The following DPP9 variants were observed in gnomAD, a reference collection of about 807,000 sequenced individuals.
The protein encoded by DPP9 is dipeptidyl peptidase IV-related protein-2.
Under a neutral mutation model 110.7 loss-of-function variants are expected in DPP9, and 50 were observed. That is an observed-to-expected ratio of 0.45 (90% CI 0.36 to 0.57). The LOEUF is 0.57. DPP9 is among the 20% of genes least tolerant of loss of function. DPP9 has a pLI of 0.00. For synonymous variants in DPP9, 561 were observed against 514.4 expected, an observed-to-expected ratio of 1.09 and a Z score of -1.23; for missense variants, 1,022 against 1,217.9, an observed-to-expected ratio of 0.84 and a Z score of 2.39.
rs1006998596 is a variant in DPP9, at chr19:4,691,670, C to CTT, written c.1517-715_1517-714dup. ...CACATTAGGACTTTGTAAAACCAGACTTTTTTTTTTTTTTTTTTTTTTTGA... is the reference window on the plus strand; with the variant it reads ...CACATTAGGACTTTGTAAAACCAGACTTTTTTTTTTTTTTTTTTTTTTTTTGA... On this transcript the variant is annotated intron_variant, in intron 13 of 21. Coordinates refer to ENST00000262960, the MANE Select transcript of DPP9 (RefSeq NM_139159.5). Among the ~76,000 whole-genome samples, 869 of 95,078 alleles carry CTT rather than the reference C, an allele frequency of 9.1e-3. 39 individuals carry two copies. The highest frequency in any genetic ancestry group is 0.022 in the African/African-American group (515 of 22,984). 62.4% of individuals were successfully genotyped at this position (95,078 alleles called of 152,430 possible).
At chr19:4,691,953 C>T (rs575719302) in intron 13 of DPP9, among the ~76,000 whole-genome samples, 3 of 152,118 alleles carry the variant, frequency 2.0e-5, no homozygotes, top group South Asian at 2.1e-4. Context: ...GCTGGGATTA[C>T]AGGCACGAGC....
In DPP9 at chr19:4,684,766, C is replaced by T. The variant is rs1185027452; in HGVS notation, c.2075G>A (p.Arg692Gln). The change falls in exon 18 of 22, where the codon CGG (arginine) becomes CAG (glutamine). Residue 692 changes from arginine (R) to glutamine (Q), a missense_variant. Coordinates refer to ENST00000262960, the MANE Select transcript of DPP9 (RefSeq NM_139159.5). This position sits in a 1 kb window ranked among gnomAD's most constrained non-coding sequence, Gnocchi z 4.8. ...NNSFKGIKYL[R>Q]LNTLASLGYA... is the part of the protein sequence containing the mutation. ...GCCCAGGGAGGCCAGTGTGTTGAGC[C>T]GCAAGTACTTGATGCCTTTGAAGGA... 8 of 1,604,366 alleles carry T rather than the reference C, an allele frequency of 5.0e-6. No homozygotes were observed. The highest frequency in any genetic ancestry group is 3.4e-5 in the Admixed American group (2 of 58,196).
rs2091607121 is a variant in DPP9 at position 4,694,408 on chromosome 19, C to A, written c.1516+253G>T. 1 of 549,580 alleles carries A rather than the reference C, an allele frequency of 1.8e-6. No homozygotes were observed. Among genetic ancestry groups the A allele is most frequent in the Non-Finnish European group, 3.2e-6 (1 of 312,772 alleles). 34.0% of individuals were successfully genotyped at this position (549,580 alleles called of 1,614,324 possible). ...TGACCTGTGGGCCGTAGGTGGCCAA[C>A]CCCTGGTTGTGCTAAGGGCCTGGCA... On this transcript the variant is annotated intron_variant, in intron 13 of 21. Coordinates refer to ENST00000262960, the MANE Select transcript of DPP9 (RefSeq NM_139159.5). This position sits in a 1 kb window ranked among gnomAD's most constrained non-coding sequence, Gnocchi z 4.0.
rs1033759386 is a variant in DPP9, at chr19:4,710,401, C to T, written c.313+3680G>A. ...CGTTTGCAGTGGGGAGAGGCTGATC[C>T]GCGTGGGGCGGGAGCGGGGTCGGGA... On this transcript the variant is annotated intron_variant, in intron 4 of 21. Transcript: ENST00000262960. This position sits in a 1 kb window ranked among gnomAD's most constrained non-coding sequence, Gnocchi z 5.6. 3.3e-5 allele frequency among the ~76,000 whole-genome samples: 5 copies of T among 152,222 alleles called. No homozygotes were observed. The highest frequency in any genetic ancestry group is 1.2e-4 in the African/African-American group (5 of 41,460).
rs374691039 is a variant in DPP9 at position 4,702,103 on chromosome 19, G to A, written c.936C>T (p.Ser312=). Residue 312 remains serine, a synonymous_variant, in exon 9 of 22, where the codon TCC becomes TCT. Coordinates refer to ENST00000262960, the MANE Select transcript of DPP9 (RefSeq NM_139159.5). ...LRILYEEVDE[S]EVEVIHVPSP... ...AGGGGACGTGAATGACCTCCACCTC[G>A]GACTCATCGACTTCCTCATACAGGA... 2.6e-5 allele frequency: 42 copies of A among 1,613,758 alleles called. No individual in the cohort carries two copies. Among genetic ancestry groups the A allele is most frequent in the South Asian group, 4.4e-5 (4 of 91,092 alleles).
rs1236435988 is a variant in DPP9 at position 4,718,370 on chromosome 19, G to A, written c.56+1481C>T. 6.6e-6 allele frequency among the ~76,000 whole-genome samples: 1 copy of A among 152,224 alleles called. No individual in the cohort carries two copies. ...AGTTCTGAGTTCAGGCCGACCACAA[G>A]GTGATAAGGCAGAAAGAAAGGTGGG... On this transcript the variant is annotated intron_variant, in intron 3 of 21. Transcript: ENST00000262960. The surrounding 1 kb of genome is among the most constrained non-coding windows in gnomAD (Gnocchi z 4.3).
At chr19:4,723,402 G>C (rs929308689) in intron 1 of DPP9, among the ~76,000 whole-genome samples, 1 of 152,148 alleles carries the variant, frequency 6.6e-6, no homozygotes, top group Admixed American at 6.5e-5. Context: ...GGCAGCAACG[G>C]GATGGGTGGG....
chr19:4,705,693 G>C (rs936067013), intron 5 of DPP9, among the ~76,000 whole-genome samples, 165 bp downstream of exon 5: 1 of 152,260 alleles, frequency 6.6e-6, no homozygotes, highest in Non-Finnish European at 1.5e-5. Flanking sequence ...CAGGTGGTCA[G>C]GGGGAGGAGG....
At chr19:4,681,238 C>T (rs1394576488) in intron 20 of DPP9, among the ~76,000 whole-genome samples, 1 of 152,212 alleles carries the variant, frequency 6.6e-6, no homozygotes, top group East Asian at 1.9e-4. Flanking sequence ...CGCTGGAGTG[C>T]TGGAAAGGTT....
Position 4,702,481 on chromosome 19 carries a change from T to C in DPP9, c.883+122A>G. 6 of 767,318 alleles carry C rather than the reference T, an allele frequency of 7.8e-6. No individual in the cohort carries two copies. The South Asian group carries it at 1.0e-4, about 13-fold the overall frequency. 47.5% of individuals were successfully genotyped at this position (767,318 alleles called of 1,614,324 possible). ...AGTCGTTAAGGAACTCTCTAGGTGT[T>C]GGTATTGACAGACTGTGGAGGTGGT... On this transcript the variant is annotated intron_variant, in intron 8 of 21. Coordinates refer to ENST00000262960, the MANE Select transcript of DPP9 (RefSeq NM_139159.5).
At chr19:4,690,179 T>C (rs2145518180) in intron 14 of DPP9, among the ~76,000 whole-genome samples, 1 of 152,318 alleles carries the variant, frequency 6.6e-6, no homozygotes, top group East Asian at 1.9e-4. Flanking sequence ...GGCCCCGAAG[T>C]GGTGTCTCCT....
Position 4,676,141 on chromosome 19 carries a change from C to T in DPP9, c.*423G>A, listed in dbSNP as rs2088810482. On this transcript the variant is annotated 3_prime_UTR_variant, in exon 22 of 22. Transcript: ENST00000262960. The surrounding 1 kb of genome is among the most constrained non-coding windows in gnomAD (Gnocchi z 4.0). The stretch of plus-strand genomic sequence containing the variant: ...CAAACATCAAGTTGGGGAGGCTGGC[C>T]GGGGGGGACAGGCAATTGCATGCTT... The T allele has an allele frequency of 5.5e-6, 1 of 181,270 alleles. No individual in the cohort carries two copies. The highest frequency in any genetic ancestry group is 1.2e-5 in the Non-Finnish European group (1 of 86,546). The allele number at this position is 181,270 out of a possible 1,614,324, so 11.2% of individuals were successfully genotyped here.
rs921269380 is a variant in DPP9, at chr19:4,710,417, G to A, written c.313+3664C>T. The stretch of plus-strand genomic sequence containing the variant: ...AGGCTGATCCGCGTGGGGCGGGAGC[G>A]GGGTCGGGAGCGTTTCCCAATGCTG... On this transcript the variant is annotated intron_variant, in intron 4 of 21. Transcript: ENST00000262960. The surrounding 1 kb of genome is among the most constrained non-coding windows in gnomAD (Gnocchi z 5.6). 1.3e-5 allele frequency among the ~76,000 whole-genome samples: 2 copies of A among 152,220 alleles called. No individual in the cohort carries two copies. The highest frequency in any genetic ancestry group is 4.8e-5 in the African/African-American group (2 of 41,458).
intron 21 of DPP9, among the ~76,000 whole-genome samples, chr19:4,678,605 T>C (rs73539513): frequency 0.058 from 8,884 of 151,908 alleles, 700 homozygotes; most frequent in African/African-American, 0.18. Flanking sequence ...CCCTGCCTGA[T>C]ATCACTCCCT....
chr19:4,691,282 C>T (rs1424713282), intron 13 of DPP9, among the ~76,000 whole-genome samples: 2 of 151,536 alleles, frequency 1.3e-5, no homozygotes, highest in African/African-American at 2.4e-5. Context: ...GAGACCAGCC[C>T]GGGCAACATA....
At position 4,689,519 on chromosome 19, in the gene DPP9, G is replaced by C; in HGVS notation, c.1749+51C>G. ...CGGGCCATGAGGGACTGCTCTGGCT[G>C]GGAGCTGTTGGACGGGCACAGGGCG... is the stretch of plus-strand genomic sequence containing the variant. On this transcript the variant is annotated intron_variant, in intron 15 of 21. Transcript: ENST00000262960. This position sits in a 1 kb window ranked among gnomAD's most constrained non-coding sequence, Gnocchi z 7.0. 3 of 1,530,984 alleles carry C rather than the reference G, an allele frequency of 2.0e-6. No homozygotes were observed. The highest frequency in any genetic ancestry group is 2.6e-6 in the Non-Finnish European group (3 of 1,144,028). The allele number at this position is 1,530,984 out of a possible 1,614,324, so 94.8% of individuals were successfully genotyped here. A position where few individuals can be genotyped will look rare whatever the true frequency, so the allele number is the denominator to read the frequency against.
At chr19:4,714,638 T>C (rs1157211489) in intron 3 of DPP9, among the ~76,000 whole-genome samples, 9 of 152,118 alleles carry the variant, frequency 5.9e-5, no homozygotes, top group African/African-American at 2.2e-4. Context: ...GCAATCCTCC[T>C]GCGTCAGCCT....
At chr19:4,683,375 G>T in intron 19 of DPP9, 102 bp downstream of exon 19, 6 of 1,546,352 alleles carry the variant, frequency 3.9e-6, no homozygotes, top group Non-Finnish European at 5.2e-6. Context: ...GCGCCTCCCC[G>T]GTAGGTGGGC....
intron 4 of DPP9, among the ~76,000 whole-genome samples, chr19:4,708,842 G>A (rs1189347691): frequency 6.6e-6 from 1 of 152,186 alleles, no homozygotes; most frequent in Admixed American, 6.5e-5. Flanking sequence ...TAGCCTGGGT[G>A]ATGAAATAAT....
Sources: allele counts gnomAD v4.1 joint callset (sites outside exome capture counted in the v4.1 genomes callset), GRCh38; gene constraint gnomAD v4.1.1; non-coding constraint Gnocchi (gnomAD v3.1); transcripts MANE v1.5; gene names NCBI Gene and HGNC (gene_info 2026-07-23, HGNC 2026-07-21).